MELTF: variants seen among roughly 807,000 people sequenced by gnomAD.
The protein encoded by MELTF is antigen p97 (melanoma associated) identified by monoclonal antibodies 133.2 and 96.5.
MELTF carries 67 observed loss-of-function variants against 83.7 expected under a neutral mutation model. That is an observed-to-expected ratio of 0.80 (90% CI 0.66 to 0.98). The LOEUF is 0.98. Among genes scored for constraint, MELTF ranks in the 50% least tolerant of loss-of-function variants. The pLI is 0.00. For missense variants in MELTF, 1,002 were observed against 1,035.6 expected, an observed-to-expected ratio of 0.97 and a Z score of 0.44; for synonymous variants, 462 against 447.6, an observed-to-expected ratio of 1.03 and a Z score of -0.41.
rs1719178689 is a variant in MELTF at position 197,011,279 on chromosome 3, G to A, written c.1234-485C>T. On this transcript the variant is annotated intron_variant, in intron 9 of 15. Transcript: ENST00000296350. This position sits in a 1 kb window ranked among gnomAD's most constrained non-coding sequence, Gnocchi z 4.2. ...TGGCAGTCTCAGGGCCTGGGGAGGA[G>A]GCTTCAGGGCTGAGGGATGGAGCTC... 6.6e-6 allele frequency among the ~76,000 whole-genome samples: 1 copy of A among 152,242 alleles called. No homozygotes were observed. Among genetic ancestry groups the A allele is most frequent in the African/African-American group, 2.4e-5 (1 of 41,476 alleles).
chr3:197,029,764 G>A lies in MELTF; in HGVS notation c.-62C>T. ...GGGTCCGGGTCCGAGGAGGTCCGCA[G>A]CAGCCGGGCTTCCTCCCTGCTCCCC... On this transcript the variant is annotated 5_prime_UTR_variant, in exon 1 of 16. Transcript: ENST00000296350. The surrounding 1 kb of genome is among the most constrained non-coding windows in gnomAD (Gnocchi z 6.5). The A allele has an allele frequency of 8.9e-7, 1 of 1,121,008 alleles. No homozygotes were observed. Among genetic ancestry groups the A allele is most frequent in the Non-Finnish European group, 1.1e-6 (1 of 887,394 alleles). The allele number at this position is 1,121,008 out of a possible 1,614,324, so 69.4% of individuals were successfully genotyped here.
intron 14 of MELTF, 38 bp from the exon 15 acceptor site, chr3:197,004,137 G>A (rs1385908454): frequency 1.9e-6 from 3 of 1,603,844 alleles, no homozygotes; most frequent in African/African-American, 1.3e-5. Flanking sequence ...CTCCTCACTG[G>A]GCTCAGGCAG....
chr3:197,009,858 C>T (rs754518237), intron 10 of MELTF, 46 bp from the exon 11 acceptor site: 27 of 1,551,488 alleles, frequency 1.7e-5, no homozygotes, highest in Admixed American at 8.4e-5. Context: ...TCTGAGAGCC[C>T]GGGCAAGTGC....
intron 9 of MELTF, among the ~76,000 whole-genome samples, chr3:197,014,850 C>T (rs2148583504): frequency 1.3e-5 from 2 of 152,320 alleles, no homozygotes; most frequent in Admixed American, 1.3e-4. Flanking sequence ...TTATCCTGCT[C>T]TGATCACCAT....
intron 6 of MELTF, among the ~76,000 whole-genome samples, chr3:197,017,750 GC>G (rs1241390410): frequency 6.6e-6 from 1 of 152,110 alleles, no homozygotes; most frequent in Non-Finnish European, 1.5e-5. Flanking sequence ...GGTGGCGGGC[GC>G]CTGTAATCCC....
intron 1 of MELTF, chr3:197,028,754 A>T (rs1719963122): frequency 6.6e-6 from 1 of 152,334 alleles, no homozygotes; most frequent in African/African-American, 2.4e-5. Flanking sequence ...CTCCTCTGCC[A>T]TTCACCCTGC....
chr3:197,016,972 G>T, intron 7 of MELTF, 131 bp downstream of exon 7: 1 of 1,038,784 alleles, frequency 9.6e-7, no homozygotes, highest in Non-Finnish European at 1.4e-6. Context: ...ACTCTGACCT[G>T]GCCCGATGCT....
Position 197,003,432 on chromosome 3 carries a change from C to T in MELTF, c.2157G>A (p.Ala719=), listed in dbSNP as rs896903252. The T allele has an allele frequency of 1.8e-5, 19 of 1,071,198 alleles. 1 individual carries two copies. In the Admixed American group the frequency reaches 2.0e-4, roughly 11 times the overall value. The allele number at this position is 1,071,198 out of a possible 1,614,324, so 66.4% of individuals were successfully genotyped here. Residue 719 remains alanine (A), a synonymous_variant, in exon 16 of 16, where the codon GCG becomes GCA. Coordinates refer to ENST00000296350, the MANE Select transcript of MELTF (RefSeq NM_005929.6). The surrounding 1 kb of genome is among the most constrained non-coding windows in gnomAD (Gnocchi z 6.2). ...CSGAAAPAPG[A]PLLPLLLPAL... ...CGGGCAGCAGCAGCGGGAGCAGGGG[C>T]GCCCCGGGCGCCGGGGCCGCTGGGG...
chr3:197,010,862 T>G lies in MELTF; in HGVS notation c.1234-68A>C. 3 of 1,432,548 alleles carry G rather than the reference T, an allele frequency of 2.1e-6. No homozygotes were observed. In the South Asian group the frequency reaches 3.4e-5, roughly 16 times the overall value. The allele number at this position is 1,432,548 out of a possible 1,614,324, so 88.7% of individuals were successfully genotyped here. A position where few individuals can be genotyped will look rare whatever the true frequency, so the allele number is the denominator to read the frequency against. ...GATGGCTCTGGATGTCGGGGTCCTG[T>G]GGAGGTGGCAGGGCCTGGTCTCTTG... On this transcript the variant is annotated intron_variant, in intron 9 of 15. Coordinates refer to ENST00000296350, the MANE Select transcript of MELTF (RefSeq NM_005929.6).
At chr3:197,004,967 C>T (rs1718924651) in intron 14 of MELTF, among the ~76,000 whole-genome samples, 1 of 152,194 alleles carries the variant, frequency 6.6e-6, no homozygotes, top group Non-Finnish European at 1.5e-5. Flanking sequence ...TAAAGCACTC[C>T]TGGGATAGAG....
At chr3:197,020,917 C>T (rs755004172) in intron 6 of MELTF, among the ~76,000 whole-genome samples, 8 of 152,134 alleles carry the variant, frequency 5.3e-5, no homozygotes, top group African/African-American at 9.7e-5. Flanking sequence ...CCGCCCACCT[C>T]GGCCTCCCAA....
rs1719991784 is a variant in MELTF at position 197,029,313 on chromosome 3, T to A, written c.49+341A>T. 3.7e-6 allele frequency: 1 copy of A among 268,188 alleles called. No homozygotes were observed. Among genetic ancestry groups the A allele is most frequent in the Non-Finnish European group, 7.0e-6 (1 of 143,090 alleles). The allele number at this position is 268,188 out of a possible 1,614,324, so 16.6% of individuals were successfully genotyped here. On this transcript the variant is annotated intron_variant, in intron 1 of 15. Coordinates refer to ENST00000296350, the MANE Select transcript of MELTF (RefSeq NM_005929.6). The surrounding 1 kb of genome is among the most constrained non-coding windows in gnomAD (Gnocchi z 6.5). ...AAAGAGCTGCTCCGAGCCCCCAAAGTCTTCCTGAGTTCCTGCGCCCGTCGG... is the reference window on the plus strand; with the variant it reads ...AAAGAGCTGCTCCGAGCCCCCAAAGACTTCCTGAGTTCCTGCGCCCGTCGG...
Position 197,015,289 on chromosome 3 carries a change from G to A in MELTF, c.1233+76C>T, listed in dbSNP as rs962445197. 2.1e-6 allele frequency: 3 copies of A among 1,450,726 alleles called. No individual in the cohort carries two copies. The African/African-American group carries it at 4.2e-5, about 20-fold the overall frequency. 89.9% of individuals were successfully genotyped at this position (1,450,726 alleles called of 1,614,324 possible). ...TCTCCTCTTCCCCAGGCAGCAGGGG[G>A]TGTGGGTAGTAAGAACTGCCCAGGC... On this transcript the variant is annotated intron_variant, in intron 9 of 15. Coordinates refer to ENST00000296350, the MANE Select transcript of MELTF (RefSeq NM_005929.6).
At position 197,024,295 on chromosome 3, in the gene MELTF, G is replaced by A; in HGVS notation, c.487+8C>T. The stretch of plus-strand genomic sequence containing the variant: ...TGGGGACCCTCCTGCCCAGCCCAAA[G>A]CCCTCACCTTTGAGTACATCGCAGC... On this transcript the variant is annotated splice_region_variant and intron_variant, in intron 4 of 15. Coordinates refer to ENST00000296350, the MANE Select transcript of MELTF (RefSeq NM_005929.6). The surrounding 1 kb of genome is among the most constrained non-coding windows in gnomAD (Gnocchi z 5.3). 1 of 1,551,776 alleles carries A rather than the reference G, an allele frequency of 6.4e-7. No homozygotes were observed. Among genetic ancestry groups the A allele is most frequent in the Non-Finnish European group, 8.7e-7 (1 of 1,145,228 alleles).
At position 197,020,139 on chromosome 3, in the gene MELTF, A is replaced by G. The variant is rs547899498; in HGVS notation, c.712+1265T>C. Reference sequence around the variant, plus strand: ...TTCAGGCAAATCTAAATTGAGGGACATTCTATAAAATAACCGGCCTGATGC... The same window carrying G: ...TTCAGGCAAATCTAAATTGAGGGACGTTCTATAAAATAACCGGCCTGATGC... On this transcript the variant is annotated intron_variant, in intron 6 of 15. Transcript: ENST00000296350. 4.6e-5 allele frequency among the ~76,000 whole-genome samples: 7 copies of G among 152,364 alleles called. No homozygotes were observed. The South Asian group carries it at 1.4e-3, about 32-fold the overall frequency.
chr3:197,024,173 G>T lies in MELTF; in HGVS notation c.487+130C>A. 2 of 1,020,882 alleles carry T rather than the reference G, an allele frequency of 2.0e-6. No homozygotes were observed. The highest frequency in any genetic ancestry group is 1.4e-6 in the Non-Finnish European group (1 of 714,042). The allele number at this position is 1,020,882 out of a possible 1,614,324, so 63.2% of individuals were successfully genotyped here. On this transcript the variant is annotated intron_variant, in intron 4 of 15. Coordinates refer to ENST00000296350, the MANE Select transcript of MELTF (RefSeq NM_005929.6). The surrounding 1 kb of genome is among the most constrained non-coding windows in gnomAD (Gnocchi z 5.3). ...CGGGGGAGGCACGGGGCGGGCGGGG[G>T]CTGCTGCGCCTTCCAGGAATGAAGA...
Position 197,015,451 on chromosome 3 carries a change from CCATGTCTCCACA to C in MELTF, c.1135_1146del (p.Cys379_Met382del). 6.2e-7 allele frequency: 1 copy of C among 1,608,898 alleles called. No homozygotes were observed. Among genetic ancestry groups the C allele is most frequent in the Admixed American group, 1.7e-5 (1 of 59,448 alleles). On this transcript the variant is annotated inframe_deletion, in exon 9 of 16. Coordinates refer to ENST00000296350, the MANE Select transcript of MELTF (RefSeq NM_005929.6). Reference sequence around the variant, plus strand: ...AGCCGCTGCCGGCGGAAGGCCACGGCCATGTCTCCACACTTCTGGATCTCGGGAGTGGAGAGC... The same window carrying C: ...AGCCGCTGCCGGCGGAAGGCCACGGCCTTCTGGATCTCGGGAGTGGAGAGC...
In MELTF at chr3:197,029,752, A is replaced by AGGAGGTCCGC. The variant is rs752894694; in HGVS notation, c.-60_-51dup. On this transcript the variant is annotated 5_prime_UTR_variant, in exon 1 of 16. Coordinates refer to ENST00000296350, the MANE Select transcript of MELTF (RefSeq NM_005929.6). The surrounding 1 kb of genome is among the most constrained non-coding windows in gnomAD (Gnocchi z 6.5). ...CGGGCTGGGGCTGGGTCCGGGTCCGAGGAGGTCCGCAGCAGCCGGGCTTCC... is the reference window on the plus strand; with the variant it reads ...CGGGCTGGGGCTGGGTCCGGGTCCGAGGAGGTCCGCGGAGGTCCGCAGCAGCCGGGCTTCC... 63 of 1,189,634 alleles carry AGGAGGTCCGC rather than the reference A, an allele frequency of 5.3e-5. No homozygotes were observed. In the African/African-American group the frequency reaches 9.8e-4, roughly 19 times the overall value. 73.7% of individuals were successfully genotyped at this position (1,189,634 alleles called of 1,614,324 possible).
In MELTF at chr3:197,004,051, A is replaced by AGTCGAACATTTT; in HGVS notation, c.1975_1986dup (p.Lys659_Asp662dup). 1 of 1,614,170 alleles carries AGTCGAACATTTT rather than the reference A, an allele frequency of 6.2e-7. No individual in the cohort carries two copies. The highest frequency in any genetic ancestry group is 8.5e-7 in the Non-Finnish European group (1 of 1,180,026). ...AGGTCTTGGCCATGATAGTTGGAGG[A>AGTCGAACATTTT]GTCGAACATTTTGAACCCGTTCTTA... On this transcript the variant is annotated inframe_insertion, in exon 15 of 16. Coordinates refer to ENST00000296350, the MANE Select transcript of MELTF (RefSeq NM_005929.6).
Sources: gnomAD v4.1 joint callset for allele counts (sites outside exome capture counted in the v4.1 genomes callset) on GRCh38, gnomAD v4.1.1 for gene constraint, Gnocchi (gnomAD v3.1) non-coding constraint, MANE v1.5 for transcripts, NCBI Gene and HGNC (gene_info 2026-07-23, HGNC 2026-07-21) for gene names.